PPP1R36: variants seen among roughly 807,000 people sequenced by gnomAD.
The protein encoded by PPP1R36 is protein phosphatase 1 regulatory subunit 36, also known as chromosome 14 open reading frame 50.
In PPP1R36, 47 loss-of-function variants were observed where a neutral mutation model predicts 53.4. The observed-to-expected ratio is 0.88, with a 90% confidence interval of 0.70 to 1.12. The LOEUF is 1.12. Ranked by LOEUF, PPP1R36 falls within the 50% of genes most tolerant of loss-of-function variation. The pLI is 0.00. For synonymous variants in PPP1R36, 153 were observed against 170.5 expected, an observed-to-expected ratio of 0.90 and a Z score of 0.80; for missense variants, 456 against 513.9, an observed-to-expected ratio of 0.89 and a Z score of 1.09.
At chr14:64,559,140 C>T (rs970733419) in intron 3 of PPP1R36, among the ~76,000 whole-genome samples, 3 of 151,892 alleles carry the variant, frequency 2.0e-5, no homozygotes, top group African/African-American at 7.3e-5. Flanking sequence ...GATCAGAGGT[C>T]GGGGTTGGAA....
chr14:64,550,111 G>A, intron 1 of PPP1R36, 45 bp downstream of exon 1: 1 of 1,541,824 alleles, frequency 6.5e-7, no homozygotes. Flanking sequence ...TGGGCGCAAG[G>A]CGGGCCCTGC....
At chr14:64,567,823 G>A (rs1288917045) in intron 6 of PPP1R36, among the ~76,000 whole-genome samples, 2 of 151,984 alleles carry the variant, frequency 1.3e-5, no homozygotes, top group Non-Finnish European at 2.9e-5. Flanking sequence ...CACCACGCCC[G>A]GCTAATTTTT....
rs148844308 is a variant in PPP1R36, at chr14:64,566,826, G to A, written c.434+1134G>A. On this transcript the variant is annotated intron_variant, in intron 6 of 11. Coordinates refer to ENST00000298705, the MANE Select transcript of PPP1R36 (RefSeq NM_172365.3). ...GACTGCAGGGCAAGTTCAGAGCTAG[G>A]GAATCAGTGCCCTAGAAGCAGCCCT... 2.1e-3 allele frequency among the ~76,000 whole-genome samples: 326 copies of A among 152,346 alleles called. 1 individual carries two copies. The highest frequency in any genetic ancestry group is 7.6e-3 in the African/African-American group (318 of 41,576).
intron 5 of PPP1R36, 59 bp downstream of exon 5, chr14:64,565,513 C>A: frequency 7.1e-7 from 1 of 1,408,910 alleles, no homozygotes; most frequent in South Asian, 1.2e-5. Context: ...ATACACATAT[C>A]CATACATAAA....
intron 8 of PPP1R36, among the ~76,000 whole-genome samples, chr14:64,585,680 G>C (rs180965884): frequency 9.4e-4 from 143 of 152,266 alleles, no homozygotes; most frequent in African/African-American, 3.3e-3. Flanking sequence ...AGCCCAGAAG[G>C]TCAAGGCTAT....
At chr14:64,567,807 A>T (rs570472895) in intron 6 of PPP1R36, among the ~76,000 whole-genome samples, 1 of 152,136 alleles carries the variant, frequency 6.6e-6, no homozygotes, top group South Asian at 2.1e-4. Context: ...GATTACAGGG[A>T]TGCACCACCA....
At chr14:64,587,766 CT>C (rs964508624) in intron 10 of PPP1R36, among the ~76,000 whole-genome samples, 17 of 148,146 alleles carry the variant, frequency 1.1e-4, no homozygotes, top group Non-Finnish European at 2.1e-4. Context: ...CCAGCCTCCT[CT>C]TTTTTTTTTC....
intron 3 of PPP1R36, among the ~76,000 whole-genome samples, chr14:64,558,245 T>A (rs1356768695): frequency 6.6e-6 from 1 of 152,032 alleles, no homozygotes; most frequent in Non-Finnish European, 1.5e-5. Flanking sequence ...TGACAGTGGT[T>A]ACAGGTGAGA....
chr14:64,570,710 A>G (rs2080295732), intron 7 of PPP1R36, among the ~76,000 whole-genome samples: 1 of 152,224 alleles, frequency 6.6e-6, no homozygotes. Flanking sequence ...TAGATGAGAC[A>G]GTGTATCTTA....
At chr14:64,571,427 T>C (rs2080302693) in intron 7 of PPP1R36, among the ~76,000 whole-genome samples, 1 of 152,136 alleles carries the variant, frequency 6.6e-6, no homozygotes, top group African/African-American at 2.4e-5. Flanking sequence ...GTGCCCAGCC[T>C]GTATGTACTT....
intron 2 of PPP1R36, among the ~76,000 whole-genome samples, chr14:64,552,470 C>CAG (rs2080102716): frequency 6.6e-6 from 1 of 152,022 alleles, no homozygotes; most frequent in South Asian, 2.1e-4. Flanking sequence ...GCCTGGGCGA[C>CAG]AGAGAGAGAC....
At chr14:64,581,929 G>A (rs2080392886) in intron 8 of PPP1R36, among the ~76,000 whole-genome samples, 1 of 152,132 alleles carries the variant, frequency 6.6e-6, no homozygotes, top group African/African-American at 2.4e-5. Context: ...CTCCTTGGTG[G>A]CAGGCACATG....
At chr14:64,570,577 A>G (rs1179040009) in intron 7 of PPP1R36, among the ~76,000 whole-genome samples, 6 of 152,228 alleles carry the variant, frequency 3.9e-5, no homozygotes, top group Non-Finnish European at 8.8e-5. Context: ...TTTACTTACT[A>G]TAATAGAATT....
chr14:64,586,893 G>A lies in PPP1R36; in HGVS notation c.711+14G>A. ...AAGTTCTTTGAGGTGAGTCACTTAT[G>A]TTTTGGTGCTTTTTGATATGAAACA... On this transcript the variant is annotated intron_variant, in intron 9 of 11. Coordinates refer to ENST00000298705, the MANE Select transcript of PPP1R36 (RefSeq NM_172365.3). The A allele has an allele frequency of 6.2e-7, 1 of 1,606,644 alleles. No homozygotes were observed. Among genetic ancestry groups the A allele is most frequent in the South Asian group, 1.1e-5 (1 of 90,504 alleles).
chr14:64,588,548 G>T, intron 11 of PPP1R36: 15 of 288,512 alleles, frequency 5.2e-5, no homozygotes, highest in Middle Eastern at 9.5e-4. Context: ...GGAGGAGTGA[G>T]TAACTGATTT....
chr14:64,587,190 G>T lies in PPP1R36; in HGVS notation c.712-4G>T, dbSNP rs1485654663. 3 of 1,595,782 alleles carry T rather than the reference G, an allele frequency of 1.9e-6. No homozygotes were observed. Among genetic ancestry groups the T allele is most frequent in the South Asian group, 2.3e-5 (2 of 88,172 alleles). The stretch of plus-strand genomic sequence containing the variant: ...TCGTGATTCTTGTCTATTTTTTGTT[G>T]TAGTCCTTTTATACTTTCTGTACAT... On this transcript the variant is annotated splice_region_variant and splice_polypyrimidine_tract_variant and intron_variant, in intron 9 of 11. Coordinates refer to ENST00000298705, the MANE Select transcript of PPP1R36 (RefSeq NM_172365.3).
intron 3 of PPP1R36, among the ~76,000 whole-genome samples, chr14:64,555,461 T>C (rs970622306): frequency 2.0e-5 from 3 of 152,230 alleles, no homozygotes; most frequent in African/African-American, 7.2e-5. Flanking sequence ...TATTTTCATG[T>C]GGAAAAGCAG....
At chr14:64,565,529 G>T in intron 5 of PPP1R36, 75 bp downstream of exon 5, 1 of 1,419,920 alleles carries the variant, frequency 7.0e-7, no homozygotes, top group East Asian at 2.3e-5. Context: ...ATAAACATCC[G>T]CCCATCTACA....
chr14:64,571,302 T>C (rs927828385), intron 7 of PPP1R36, among the ~76,000 whole-genome samples: 1 of 152,040 alleles, frequency 6.6e-6, no homozygotes, highest in African/African-American at 2.4e-5. Context: ...ATTTTTTATA[T>C]TTTTGGTAGG....
Sources: allele counts gnomAD v4.1 joint callset (sites outside exome capture counted in the v4.1 genomes callset), GRCh38; gene constraint gnomAD v4.1.1; transcripts MANE v1.5; gene names NCBI Gene and HGNC (gene_info 2026-07-23, HGNC 2026-07-21).